Variants in RAB9B observed in about 807,000 individuals in gnomAD.
RAB9B encodes ras-related protein Rab-9B.
A neutral mutation model predicts 8.9 loss-of-function variants in RAB9B; 1 was observed. The observed-to-expected ratio is 0.11, with a 90% CI of 0.04 to 0.53. RAB9B has a LOEUF of 0.53. RAB9B is among the 20% of genes least tolerant of loss of function. RAB9B has a pLI of 0.93. For missense variants in RAB9B, 82 were observed against 152.9 expected (o/e 0.54, Z 2.45); for synonymous variants, 63 against 57.0 (o/e 1.10, Z -0.47).
At chrX:103,799,207 AAAG>A in the RAB9B span, among the ~76,000 whole-genome samples, 1 of 109,704 alleles carries the variant, frequency 9.1e-6, no homozygotes, top group Non-Finnish European at 1.9e-5. Flanking sequence ...TATATAGGGA[AAAG>A]AAGTGACACA....
downstream of RAB9B, among the ~76,000 whole-genome samples, chrX:103,818,045 G>A (rs745379128): frequency 5.4e-5 from 6 of 111,211 alleles, no homozygotes; most frequent in South Asian, 2.3e-3. Context: ...CAAGATCTAT[G>A]GGAGGGGATT....
chrX:103,785,793 A>G, the RAB9B span: 21 of 1,155,382 alleles, frequency 1.8e-5, no homozygotes, highest in East Asian at 5.4e-4. Context: ...TCCCACACAG[A>G]CCCATCTTTT....
At chrX:103,830,478 G>A (rs500662) in intron 1 of RAB9B, among the ~76,000 whole-genome samples, 2 of 111,616 alleles carry the variant, frequency 1.8e-5, no homozygotes, top group Non-Finnish European at 3.8e-5. Context: ...GGACCAAAAC[G>A]CTTATTCTGA....
chrX:103,815,191 A>G, the RAB9B span, among the ~76,000 whole-genome samples: 5 of 112,337 alleles, frequency 4.5e-5, no homozygotes, highest in African/African-American at 1.6e-4. Context: ...GAAAATCCTC[A>G]ACAAAATACT....
chrX:103,826,111 G>A (rs2074682405), intron 2 of RAB9B, among the ~76,000 whole-genome samples: 1 of 111,985 alleles, frequency 8.9e-6, no homozygotes, highest in Non-Finnish European at 1.9e-5. Flanking sequence ...CCCAATTCTA[G>A]GAGAGGAAGC....
the RAB9B span, among the ~76,000 whole-genome samples, chrX:103,783,729 C>T: frequency 8.9e-6 from 1 of 111,901 alleles, no homozygotes; most frequent in Non-Finnish European, 1.9e-5. Context: ...AGTCCCCTTT[C>T]CCTGGTACCC....
At chrX:103,778,270 T>C in the RAB9B span, among the ~76,000 whole-genome samples, 1 of 112,437 alleles carries the variant, frequency 8.9e-6, no homozygotes, top group Non-Finnish European at 1.9e-5. Context: ...GCAAGATCTA[T>C]AACAACTGTA....
the RAB9B span, among the ~76,000 whole-genome samples, chrX:103,808,394 G>T: frequency 8.9e-6 from 1 of 111,902 alleles, no homozygotes; most frequent in Admixed American, 9.4e-5. Context: ...AGAGAGCCTC[G>T]TTCTCCAGAA....
At chrX:103,786,278 A>G in the RAB9B span, 2 of 1,094,421 alleles carry the variant, frequency 1.8e-6, no homozygotes, top group Non-Finnish European at 2.5e-6. Flanking sequence ...GGTCACATAC[A>G]CCCTGTCTTC....
the RAB9B span, among the ~76,000 whole-genome samples, chrX:103,817,290 TGAAGCTG>T: frequency 9.0e-6 from 1 of 111,206 alleles, no homozygotes; most frequent in Non-Finnish European, 1.9e-5. Context: ...GGGACATGGA[TGAAGCTG>T]GAAACTATCA....
chrX:103,776,974 T>C, the RAB9B span: 17 of 1,202,851 alleles, frequency 1.4e-5, no homozygotes, highest in East Asian at 5.9e-5. Context: ...CCGGCTACAA[T>C]TGGAGTCAGA....
the RAB9B span, among the ~76,000 whole-genome samples, chrX:103,784,821 A>G: frequency 5.4e-5 from 6 of 112,086 alleles, no homozygotes; most frequent in Non-Finnish European, 1.1e-4. Flanking sequence ...AAAGACTCCC[A>G]TATGGCAGAG....
At chrX:103,790,604 C>T in the RAB9B span, 80 of 1,173,440 alleles carry the variant, frequency 6.8e-5, no homozygotes, top group East Asian at 2.1e-4. Flanking sequence ...TCTGATCCCC[C>T]GTAGAAATCC....
chrX:103,825,011 T>A lies in RAB9B; in HGVS notation c.*168A>T. On this transcript the variant is annotated 3_prime_UTR_variant, in exon 3 of 3. Coordinates refer to ENST00000243298, the MANE Select transcript of RAB9B (RefSeq NM_016370.4). Reference sequence around the variant, plus strand: ...ATAGAGCTTCATTTTTTTTAATTTTTAATTTTTTTAAATCAATCTACACTT... The same window carrying A: ...ATAGAGCTTCATTTTTTTTAATTTTAAATTTTTTTAAATCAATCTACACTT... 1 of 537,233 alleles carries A rather than the reference T, an allele frequency of 1.9e-6. No individual in the cohort carries two copies. Among genetic ancestry groups the A allele is most frequent in the Non-Finnish European group, 2.8e-6 (1 of 354,831 alleles). 44.3% of individuals were successfully genotyped at this position (537,233 alleles called of 1,213,427 possible).
chrX:103,829,671 AG>A (rs747979283), intron 1 of RAB9B, among the ~76,000 whole-genome samples: 2 of 112,533 alleles, frequency 1.8e-5, no homozygotes, highest in Non-Finnish European at 3.8e-5. Flanking sequence ...GTTTAAGGCA[AG>A]GTCTTGCCCT....
chrX:103,825,409 C>T lies in RAB9B; in HGVS notation c.376G>A (p.Val126Ile). Reference protein sequence around the residue: ...HFPFVVLGNKVDKEDRQVTTE... With the variant: ...HFPFVVLGNKIDKEDRQVTTE... ...GTCACTTGCCTATCCTCTTTGTCTA[C>T]CTTGTTACCCAGAACTACAAAGGGG... The change falls in exon 3 of 3, where the codon GTA becomes ATA. Residue 126 changes from valine (V) to isoleucine (I), a missense_variant. Coordinates refer to ENST00000243298, the MANE Select transcript of RAB9B (RefSeq NM_016370.4). 1 of 1,211,864 alleles carries T rather than the reference C, an allele frequency of 8.3e-7. No homozygotes were observed. The highest frequency in any genetic ancestry group is 1.1e-6 in the Non-Finnish European group (1 of 895,525).
At chrX:103,813,311 A>G in the RAB9B span, among the ~76,000 whole-genome samples, 1 of 110,816 alleles carries the variant, frequency 9.0e-6, no homozygotes, top group Non-Finnish European at 1.9e-5. Context: ...ACATATCACC[A>G]TATTTTCTGC....
the RAB9B span, among the ~76,000 whole-genome samples, chrX:103,816,020 G>C: frequency 8.9e-6 from 1 of 111,789 alleles, no homozygotes; most frequent in Admixed American, 9.5e-5. Flanking sequence ...GTAATTTATA[G>C]ATTCGATGCT....
the RAB9B span, among the ~76,000 whole-genome samples, chrX:103,784,913 T>C: frequency 8.0e-3 from 903 of 112,394 alleles, 6 homozygotes; most frequent in African/African-American, 0.028. Context: ...AAATAGTTGA[T>C]GAATGACTAA....
Sources: allele counts gnomAD v4.1 joint callset (sites outside exome capture counted in the v4.1 genomes callset), GRCh38; gene constraint gnomAD v4.1.1; transcripts MANE v1.5; gene names NCBI Gene and HGNC (gene_info 2026-07-23, HGNC 2026-07-21).